The following GPC5 variants were observed in gnomAD, a reference collection of about 807,000 sequenced individuals.
The protein encoded by GPC5 is glypican-5.
Under a neutral mutation model 53.9 loss-of-function variants are expected in GPC5, and 47 were observed. The ratio of observed to expected loss-of-function variants is 0.87; its 90% CI spans 0.69 to 1.11. The LOEUF (loss-of-function observed/expected upper bound fraction) is 1.11, where lower values mean the gene tolerates loss of function less well. Ranked by LOEUF, GPC5 falls within the 50% of genes most tolerant of loss-of-function variation. The pLI is 0.00. For synonymous variants in GPC5, 286 were observed against 263.3 expected (o/e 1.09, Z -0.84); for missense variants, 748 against 713.1 (o/e 1.05, Z -0.56).
chr13:91,955,318 A>G (rs1368131850), intron 6 of GPC5, among the ~76,000 whole-genome samples: 4 of 152,224 alleles, frequency 2.6e-5, no homozygotes, highest in Non-Finnish European at 5.9e-5. Context: ...GCTTCTGCAT[A>G]GTAATACTTA....
chr13:92,796,886 T>C (rs1876704766), intron 7 of GPC5, among the ~76,000 whole-genome samples: 1 of 151,984 alleles, frequency 6.6e-6, no homozygotes, highest in South Asian at 2.1e-4. Context: ...ATCAATGATA[T>C]ATAAAGGCTG....
chr13:91,584,839 AAAGTGC>A (rs2032502188), intron 2 of GPC5, among the ~76,000 whole-genome samples: 1 of 152,190 alleles, frequency 6.6e-6, no homozygotes, highest in Non-Finnish European at 1.5e-5. Flanking sequence ...CCGGTCTCCC[AAAGTGC>A]TGGGATTACA....
chr13:91,556,625 G>T (rs1449072364), intron 2 of GPC5, among the ~76,000 whole-genome samples: 1 of 150,776 alleles, frequency 6.6e-6, no homozygotes, highest in East Asian at 2.0e-4. Context: ...ACACACCATG[G>T]AATACTATTC....
chr13:92,133,976 G>C (rs1338151471), intron 6 of GPC5, among the ~76,000 whole-genome samples: 1 of 152,034 alleles, frequency 6.6e-6, no homozygotes, highest in East Asian at 1.9e-4. Flanking sequence ...CTATTACCTT[G>C]GCAATATAGA....
intron 7 of GPC5, among the ~76,000 whole-genome samples, chr13:92,712,423 G>C (rs1888169882): frequency 1.3e-5 from 2 of 149,656 alleles, no homozygotes; most frequent in Non-Finnish European, 3.0e-5. Context: ...AATGTCAAAG[G>C]TAAAACCATA....
chr13:92,016,050 C>G (rs1303294677), intron 6 of GPC5, among the ~76,000 whole-genome samples: 1 of 147,170 alleles, frequency 6.8e-6, no homozygotes, highest in African/African-American at 2.4e-5. Context: ...ATACACATCA[C>G]TTCCATTTAC....
chr13:92,602,075 CTTTA>C (rs1369006345), intron 7 of GPC5, among the ~76,000 whole-genome samples: 2 of 149,194 alleles, frequency 1.3e-5, no homozygotes, highest in Non-Finnish European at 3.0e-5. Context: ...ATTTATATTA[CTTTA>C]TTTATTACAA....
chr13:92,322,273 GGA>G lies in GPC5; in HGVS notation c.1561+177285_1561+177286del, dbSNP rs200616185. Reference sequence around the variant, plus strand: ...AGTAACCAAGTAGATGGTGAATGGGGGAAAAAAAAAAGTTCACAAACTGTGAG... The same window carrying G: ...AGTAACCAAGTAGATGGTGAATGGGGAAAAAAAAAGTTCACAAACTGTGAG... On this transcript the variant is annotated intron_variant, in intron 7 of 7. Coordinates refer to ENST00000377067, the MANE Select transcript of GPC5 (RefSeq NM_004466.6). Among the ~76,000 whole-genome samples the G allele has an allele frequency of 9.6e-3, 1,446 of 150,786 alleles. 22 individuals are homozygous for G. The highest frequency in any genetic ancestry group is 0.034 in the African/African-American group (1,377 of 41,052).
chr13:91,545,271 T>G (rs2030215385), intron 2 of GPC5, among the ~76,000 whole-genome samples: 1 of 152,206 alleles, frequency 6.6e-6, no homozygotes, highest in African/African-American at 2.4e-5. Flanking sequence ...ATCTTTATTA[T>G]AGATTTAACT....
At chr13:92,602,236 ATAT>A (rs368940856) in intron 7 of GPC5, among the ~76,000 whole-genome samples, 28,974 of 104,958 alleles carry the variant, frequency 0.28, 4,187 homozygotes, top group Middle Eastern at 0.37. Flanking sequence ...TATATAACAT[ATAT>A]ATATATATAT....
At chr13:91,483,770 C>T (rs1429537114) in intron 2 of GPC5, among the ~76,000 whole-genome samples, 4 of 152,194 alleles carry the variant, frequency 2.6e-5, no homozygotes, top group Non-Finnish European at 5.9e-5. Context: ...TTCTTAGAAA[C>T]TCCAAATTTA....
In GPC5 at chr13:92,347,924, T is replaced by TATTATATATATAATA; in HGVS notation, c.1561+202935_1561+202936insATTATATATATAATA. Among the ~76,000 whole-genome samples, 2 of 3,702 alleles carry TATTATATATATAATA rather than the reference T, an allele frequency of 5.4e-4. 1 individual carries two copies. The highest frequency in any genetic ancestry group is 4.2e-3 in the African/African-American group (2 of 476). The allele number at this position is 3,702 out of a possible 152,430, so 2.4% of individuals were successfully genotyped here. On this transcript the variant is annotated intron_variant, in intron 7 of 7. Transcript: ENST00000377067. ...ATAATATATATATAATATATATATA[T>TATTATATATATAATA]TATATATACATCTTATATGTAAACC...
At position 91,559,092 on chromosome 13, in the gene GPC5, G is replaced by T. The variant is rs538535438; in HGVS notation, c.325+110170G>T. Among the ~76,000 whole-genome samples the T allele has an allele frequency of 1.3e-4, 20 of 152,102 alleles. No homozygotes were observed. The East Asian group carries it at 3.7e-3, about 28-fold the overall frequency. ...TGGTCTCAGGAGCCATATTTAAAAA[G>T]ATTGGAATTTGGGATTGGTTTGGTC... On this transcript the variant is annotated intron_variant, in intron 2 of 7. Coordinates refer to ENST00000377067, the MANE Select transcript of GPC5 (RefSeq NM_004466.6).
intron 7 of GPC5, among the ~76,000 whole-genome samples, chr13:92,289,565 T>C (rs2042979632): frequency 6.6e-6 from 1 of 151,956 alleles, no homozygotes; most frequent in African/African-American, 2.4e-5. Context: ...CTGCAATATG[T>C]TTATGAATAA....
chr13:92,248,562 G>T (rs2042669685), intron 7 of GPC5, among the ~76,000 whole-genome samples: 1 of 152,094 alleles, frequency 6.6e-6, no homozygotes, highest in African/African-American at 2.4e-5. Context: ...GATAAAAAGA[G>T]AAAATGTATG....
At chr13:92,392,405 G>A (rs140723857) in intron 7 of GPC5, among the ~76,000 whole-genome samples, 1,684 of 152,158 alleles carry the variant, frequency 0.011, 33 homozygotes, top group African/African-American at 0.039. Context: ...ATCAACTCAA[G>A]ATGGATTAAA....
At chr13:92,462,908 G>A (rs1423975988) in intron 7 of GPC5, among the ~76,000 whole-genome samples, 1 of 151,984 alleles carries the variant, frequency 6.6e-6, no homozygotes, top group Non-Finnish European at 1.5e-5. Flanking sequence ...TAGAGATGGG[G>A]TTTCTCCATG....
chr13:91,993,822 A>G (rs187426717), intron 6 of GPC5, among the ~76,000 whole-genome samples: 1 of 152,324 alleles, frequency 6.6e-6, no homozygotes, highest in Admixed American at 6.5e-5. Context: ...AACTTCAGCT[A>G]TCCAGTCACC....
intron 7 of GPC5, among the ~76,000 whole-genome samples, chr13:92,751,407 A>G (rs1371654326): frequency 3.3e-5 from 5 of 151,152 alleles, no homozygotes; most frequent in Non-Finnish European, 7.4e-5. Context: ...AAGATGCACA[A>G]TTAACTTAAA....
Sources: allele counts gnomAD v4.1 joint callset (sites outside exome capture counted in the v4.1 genomes callset), GRCh38; gene constraint gnomAD v4.1.1; transcripts MANE v1.5; gene names NCBI Gene and HGNC (gene_info 2026-07-23, HGNC 2026-07-21).